DDHD1: variants seen among roughly 807,000 people sequenced by gnomAD.
DDHD1 encodes DDHD domain containing 1.
DDHD1 carries 49 observed loss-of-function variants against 96.4 expected under a neutral mutation model. The ratio of observed to expected loss-of-function variants is 0.51; its 90% CI spans 0.40 to 0.64. The LOEUF (loss-of-function observed/expected upper bound fraction) is 0.64. Among genes scored for constraint, DDHD1 ranks in the 30% least tolerant of loss-of-function variants. The pLI, the probability that DDHD1 is intolerant of heterozygous loss-of-function variation, is 0.00. For missense variants in DDHD1, 1,106 were observed against 1,161.2 expected (o/e 0.95, Z 0.69); for synonymous variants, 442 against 446.5 (o/e 0.99, Z 0.13).
intron 4 of DDHD1, among the ~76,000 whole-genome samples, chr14:53,076,934 C>CT (rs1391966199): frequency 2.6e-5 from 4 of 152,122 alleles, no homozygotes; most frequent in African/African-American, 9.7e-5. Flanking sequence ...GTAAACATAA[C>CT]TTTTATATGC....
intron 6 of DDHD1, 117 bp from the exon 7 acceptor site, chr14:53,063,322 G>A: frequency 8.3e-6 from 10 of 1,210,824 alleles, no homozygotes; most frequent in Non-Finnish European, 1.1e-5. Context: ...ATATACCTAG[G>A]TTATTAAAAT....
chr14:53,150,199 T>C (rs1415999162), intron 1 of DDHD1: 2 of 152,248 alleles, frequency 1.3e-5, no homozygotes, highest in African/African-American at 2.4e-5. Context: ...TCCTTGTGTA[T>C]GTGCCCCATC....
intron 4 of DDHD1, among the ~76,000 whole-genome samples, chr14:53,081,613 C>A (rs1885475800): frequency 6.6e-6 from 1 of 152,168 alleles, no homozygotes; most frequent in African/African-American, 2.4e-5. Context: ...TTACAATGCA[C>A]AGGCCAGCCA....
At chr14:53,112,827 C>A (rs1888209167) in intron 1 of DDHD1, among the ~76,000 whole-genome samples, 1 of 152,040 alleles carries the variant, frequency 6.6e-6, no homozygotes, top group African/African-American at 2.4e-5. Context: ...ATCACTAAGC[C>A]CTGCTTGACT....
At chr14:53,152,113 G>GAGCAGTGGAGTGTAGAT in intron 1 of DDHD1, 148 bp downstream of exon 1, 1 of 833,740 alleles carries the variant, frequency 1.2e-6, no homozygotes, top group Non-Finnish European at 1.8e-6. Flanking sequence ...AGCTGCCGAC[G>GAGCAGTGGAGTGTAGAT]CTCCCTGCTC....
At chr14:53,077,852 C>A (rs1885110927) in intron 4 of DDHD1, among the ~76,000 whole-genome samples, 1 of 152,054 alleles carries the variant, frequency 6.6e-6, no homozygotes, top group African/African-American at 2.4e-5. Context: ...TCAGATTTGT[C>A]TATTTTGAAC....
intron 12 of DDHD1, 89 bp from the exon 13 acceptor site, chr14:53,047,038 G>T: frequency 9.4e-7 from 1 of 1,068,484 alleles, no homozygotes. Flanking sequence ...TAAAAATTTA[G>T]CTAAATAGAA....
intron 1 of DDHD1, among the ~76,000 whole-genome samples, chr14:53,123,558 A>C (rs1037325306): frequency 2.0e-5 from 3 of 152,234 alleles, no homozygotes; most frequent in Non-Finnish European, 4.4e-5. Flanking sequence ...GGAATGAAAT[A>C]CTACTATGCA....
Position 53,073,847 on chromosome 14 carries a change from C to T in DDHD1, c.1290G>A (p.Met430Ile), listed in dbSNP as rs764550219. The change falls in exon 5 of 13, where the codon ATG becomes ATA. Residue 430 changes from methionine (M) to isoleucine (I), a missense_variant and splice_region_variant. Transcript: ENST00000673822. ...DQGRIIKNTA[M>I]MREAARKIEE... ...CTATTTTTCTTGCAGCTTCTCTCATCCTAAAAAAACAAACAAACAAAAATG... is the reference window on the plus strand; with the variant it reads ...CTATTTTTCTTGCAGCTTCTCTCATTCTAAAAAAACAAACAAACAAAAATG... 6.2e-7 allele frequency: 1 copy of T among 1,606,490 alleles called. No homozygotes were observed. The highest frequency in any genetic ancestry group is 1.3e-5 in the African/African-American group (1 of 74,428).
intron 3 of DDHD1, 67 bp from the exon 4 acceptor site, chr14:53,091,999 A>G: frequency 6.9e-7 from 1 of 1,454,962 alleles, no homozygotes; most frequent in Non-Finnish European, 9.3e-7. Flanking sequence ...CAATATGTTA[A>G]AAGAAAAAAA....
intron 8 of DDHD1, among the ~76,000 whole-genome samples, chr14:53,060,875 C>T (rs560714671): frequency 2.0e-4 from 30 of 152,166 alleles, no homozygotes; most frequent in Non-Finnish European, 4.0e-4. Context: ...CTCTCCTGTA[C>T]ATATATTGTT....
chr14:53,077,725 C>T (rs530116286), intron 4 of DDHD1, among the ~76,000 whole-genome samples: 22 of 149,304 alleles, frequency 1.5e-4, no homozygotes, highest in African/African-American at 4.7e-4. Flanking sequence ...AGTTATGCAG[C>T]TATCACCATT....
At chr14:53,101,669 C>T (rs1022037172) in intron 2 of DDHD1, among the ~76,000 whole-genome samples, 3 of 152,006 alleles carry the variant, frequency 2.0e-5, no homozygotes, top group African/African-American at 2.4e-5. Flanking sequence ...CATACACATA[C>T]GCAAAGACAT....
At chr14:53,090,188 C>A (rs1452821048) in intron 4 of DDHD1, among the ~76,000 whole-genome samples, 1 of 152,124 alleles carries the variant, frequency 6.6e-6, no homozygotes, top group African/African-American at 2.4e-5. Context: ...CATCTCACAC[C>A]AGTTAGAATG....
intron 1 of DDHD1, among the ~76,000 whole-genome samples, chr14:53,132,826 A>G (rs1889975256): frequency 6.6e-6 from 1 of 152,202 alleles, no homozygotes; most frequent in South Asian, 2.1e-4. Flanking sequence ...GCTCAGGGCA[A>G]CGCTTCTGCT....
intron 4 of DDHD1, among the ~76,000 whole-genome samples, chr14:53,084,555 G>A (rs567106522): frequency 1.4e-4 from 22 of 152,334 alleles, no homozygotes; most frequent in African/African-American, 5.1e-4. Context: ...TCAGAGTGAA[G>A]AGATTTCTGT....
chr14:53,063,453 C>A (rs926656446), intron 6 of DDHD1, among the ~76,000 whole-genome samples: 6 of 151,486 alleles, frequency 4.0e-5, no homozygotes, highest in Non-Finnish European at 8.8e-5. Context: ...AGTCCTTAAA[C>A]CAACTGTATA....
At chr14:53,097,668 G>T (rs899703606) in intron 2 of DDHD1, among the ~76,000 whole-genome samples, 2 of 151,762 alleles carry the variant, frequency 1.3e-5, no homozygotes, top group African/African-American at 4.8e-5. Context: ...TAAAACTAAC[G>T]TGAACCAATT....
chr14:53,102,959 GA>G (rs1159998989), intron 2 of DDHD1: 5 of 1,449,066 alleles, frequency 3.5e-6, no homozygotes, highest in Non-Finnish European at 3.8e-6. Flanking sequence ...TAGCATGGAT[GA>G]AGAAACGGTT....
Sources: gnomAD v4.1 joint callset for allele counts (sites outside exome capture counted in the v4.1 genomes callset) on GRCh38, gnomAD v4.1.1 for gene constraint, MANE v1.5 for transcripts, NCBI Gene and HGNC (gene_info 2026-07-23, HGNC 2026-07-21) for gene names.